Variants in LZTFL1 observed in about 807,000 individuals in gnomAD.
The protein encoded by LZTFL1 is leucine zipper transcription factor like 1, also known as leucine zipper transcription factor-like protein 1.
In LZTFL1, 25 loss-of-function variants were observed where a neutral mutation model predicts 45.9. The observed-to-expected ratio is 0.54, with a 90% CI of 0.40 to 0.76. LZTFL1 has a LOEUF of 0.76. LZTFL1 is among the 30% of genes least tolerant of loss of function. The probability of loss-of-function intolerance (pLI) is 0.00; values close to 1 mark genes in which losing one functional copy is unlikely to be tolerated. For synonymous variants in LZTFL1, 93 were observed against 117.4 expected (o/e 0.79, Z 1.35); for missense variants, 277 against 331.1 (o/e 0.84, Z 1.27).
At chr3:45,881,356 C>G (rs1279124474) in intron 2 of LZTFL1, among the ~76,000 whole-genome samples, 1 of 152,210 alleles carries the variant, frequency 6.6e-6, no homozygotes, top group Non-Finnish European at 1.5e-5. Flanking sequence ...GTTAAAGATA[C>G]CCAAGTCTTC....
Position 45,877,487 on chromosome 3 carries a change from GC to G in LZTFL1, c.-214-18472del, listed in dbSNP as rs532711084. The stretch of plus-strand genomic sequence containing the variant: ...GACCTCAGGTGATCCGCCTGCCTCG[GC>G]CCCCCAAAGTGTTGGGTTTACAGGC... On this transcript the variant is annotated intron_variant, in intron 2 of 4. Coordinates refer to the LZTFL1 transcript ENST00000472635. Among the ~76,000 whole-genome samples the G allele has an allele frequency of 1.2e-4, 19 of 152,076 alleles. No individual in the cohort carries two copies. The East Asian group carries it at 3.7e-3, about 30-fold the overall frequency.
chr3:45,880,082 C>A (rs759144050), intron 2 of LZTFL1, among the ~76,000 whole-genome samples: 5 of 152,158 alleles, frequency 3.3e-5, no homozygotes, highest in Admixed American at 3.3e-4. Flanking sequence ...GAGGGTGGAT[C>A]CTGCGGTGGC....
intron 2 of LZTFL1, chr3:45,902,462 G>A: frequency 6.0e-6 from 1 of 167,546 alleles, no homozygotes. Context: ...TCCTTGTTCT[G>A]TTCTGGGCCA....
intron 2 of LZTFL1, among the ~76,000 whole-genome samples, chr3:45,888,545 C>T (rs758189203): frequency 2.0e-5 from 3 of 152,146 alleles, no homozygotes; most frequent in Non-Finnish European, 4.4e-5. Flanking sequence ...TAAGTGGGTT[C>T]GATGGATGGC....
At chr3:45,876,160 C>T (rs1701746366) in intron 2 of LZTFL1, among the ~76,000 whole-genome samples, 1 of 152,202 alleles carries the variant, frequency 6.6e-6, no homozygotes. Flanking sequence ...GTGGGAATCA[C>T]AGTCAAGTGA....
intron 2 of LZTFL1, among the ~76,000 whole-genome samples, chr3:45,870,472 CAT>C (rs1701654726): frequency 6.6e-6 from 1 of 152,184 alleles, no homozygotes; most frequent in Non-Finnish European, 1.5e-5. Context: ...TGTGTGTGCA[CAT>C]GTGTGCGTGT....
intron 2 of LZTFL1, among the ~76,000 whole-genome samples, chr3:45,863,877 G>A (rs1701535816): frequency 1.3e-5 from 2 of 152,196 alleles, no homozygotes; most frequent in African/African-American, 2.4e-5. Context: ...AAGCTGGGAA[G>A]GACATTCAGG....
chr3:45,909,132 G>C (rs1340367982), intron 2 of LZTFL1, among the ~76,000 whole-genome samples: 1 of 152,206 alleles, frequency 6.6e-6, no homozygotes, highest in African/African-American at 2.4e-5. Flanking sequence ...AGATCGTCTA[G>C]TTGCAGGAAA....
At chr3:45,892,702 C>T (rs1236398240) in intron 2 of LZTFL1, among the ~76,000 whole-genome samples, 1 of 152,102 alleles carries the variant, frequency 6.6e-6, no homozygotes, top group Non-Finnish European at 1.5e-5. Context: ...TGCACATATA[C>T]CCCTGAAGCT....
chr3:45,843,577 G>A (rs964910430), upstream of LZTFL1, among the ~76,000 whole-genome samples: 3 of 152,216 alleles, frequency 2.0e-5, no homozygotes, highest in East Asian at 1.9e-4. Context: ...TGAAAGGAGC[G>A]TGTGTATAAT....
chr3:45,828,333 C>T, intron 8 of LZTFL1, 106 bp downstream of exon 8: 1 of 949,780 alleles, frequency 1.1e-6, no homozygotes, highest in East Asian at 2.4e-5. Flanking sequence ...AAAAAATAAT[C>T]TGAATTTGCA....
chr3:45,908,026 G>A (rs1702714590), intron 2 of LZTFL1, among the ~76,000 whole-genome samples: 1 of 152,210 alleles, frequency 6.6e-6, no homozygotes, highest in African/African-American at 2.4e-5. Context: ...TGAGTCAGCT[G>A]GGTGGATTAA....
chr3:45,911,823 T>C lies in LZTFL1; in HGVS notation c.-215+1297A>G, dbSNP rs1702800301. ...GTGTAATGACTCCAGCATATAGGAA[T>C]TGGGCATTTGGTTTTTTACTGGGAA... On this transcript the variant is annotated intron_variant, in intron 2 of 4. Coordinates refer to the LZTFL1 transcript ENST00000472635. Among the ~76,000 whole-genome samples, 3 of 152,246 alleles carry C rather than the reference T, an allele frequency of 2.0e-5. No homozygotes were observed. In the South Asian group the frequency reaches 6.2e-4, roughly 31 times the overall value.
chr3:45,852,486 C>T (rs1400744497), intron 4 of LZTFL1, among the ~76,000 whole-genome samples: 1 of 151,862 alleles, frequency 6.6e-6, no homozygotes, highest in African/African-American at 2.4e-5. Flanking sequence ...TTTCTGTAGC[C>T]GTCAAAAGAA....
chr3:45,831,540 C>G (rs1444053936), intron 5 of LZTFL1, among the ~76,000 whole-genome samples: 2 of 152,224 alleles, frequency 1.3e-5, no homozygotes, highest in African/African-American at 2.4e-5. Flanking sequence ...GTACCATGCT[C>G]AAGCCCACAG....
chr3:45,883,686 T>C (rs142760055), intron 2 of LZTFL1: 4 of 559,958 alleles, frequency 7.1e-6, no homozygotes, highest in African/African-American at 5.7e-5. Context: ...ATCATGATAG[T>C]TGAAAGAGCA....
chr3:45,906,579 G>A (rs1702682272), intron 2 of LZTFL1, among the ~76,000 whole-genome samples: 1 of 152,198 alleles, frequency 6.6e-6, no homozygotes, highest in Non-Finnish European at 1.5e-5. Context: ...ATGCTAAATG[G>A]TAACATGCCA....
In LZTFL1 at chr3:45,824,724, G is replaced by A. The variant is rs1423221845; in HGVS notation, c.*1590C>T. ...CACTAGCCCTTTAGCCAAGAGTTCT[G>A]CTTCTGAATTACATAGAACATCTTG... On this transcript the variant is annotated 3_prime_UTR_variant, in exon 10 of 10. Coordinates refer to ENST00000296135, the MANE Select transcript of LZTFL1 (RefSeq NM_020347.4). 1.8e-5 allele frequency: 7 copies of A among 397,530 alleles called. No individual in the cohort carries two copies. Among genetic ancestry groups the A allele is most frequent in the Non-Finnish European group, 2.7e-5 (6 of 225,424 alleles). The allele number at this position is 397,530 out of a possible 1,614,324, so 24.6% of individuals were successfully genotyped here.
intron 2 of LZTFL1, among the ~76,000 whole-genome samples, chr3:45,882,838 A>T (rs1027746902): frequency 1.5e-4 from 22 of 149,878 alleles, no homozygotes; most frequent in Non-Finnish European, 3.1e-4. Context: ...TATTATTAAC[A>T]TTTTTTTAAA....
Sources: gnomAD v4.1 joint callset for allele counts (sites outside exome capture counted in the v4.1 genomes callset) on GRCh38, gnomAD v4.1.1 for gene constraint, MANE v1.5 for transcripts, NCBI Gene and HGNC (gene_info 2026-07-23, HGNC 2026-07-21) for gene names.